The following ELL variants were observed in gnomAD, a reference collection of about 807,000 sequenced individuals.
ELL encodes RNA polymerase II elongation factor ELL.
A neutral mutation model predicts 64.0 loss-of-function variants in ELL; 18 were observed. The ratio of observed to expected loss-of-function variants is 0.28; its 90% confidence interval spans 0.19 to 0.42. The LOEUF is 0.42. Ranked by LOEUF, ELL falls within the 10% of genes least tolerant of loss-of-function variation. The probability of loss-of-function intolerance (pLI) is 1.00; values close to 1 mark genes in which losing one functional copy is unlikely to be tolerated. For synonymous variants in ELL, 399 were observed against 376.2 expected, an observed-to-expected ratio of 1.06 and a Z score of -0.70; for missense variants, 797 against 870.4, an observed-to-expected ratio of 0.92 and a Z score of 1.06.
At chr19:18,461,443 G>A in intron 5 of ELL, 135 bp downstream of exon 5, 1 of 1,394,134 alleles carries the variant, frequency 7.2e-7, no homozygotes, top group Non-Finnish European at 9.6e-7. Context: ...GGCAGGTTCT[G>A]AACCTGTGAG....
At position 18,465,497 on chromosome 19, in the gene ELL, C is replaced by G; in HGVS notation, c.384G>C (p.Gln128His). 2 of 1,613,220 alleles carry G rather than the reference C, an allele frequency of 1.2e-6. No homozygotes were observed. The highest frequency in any genetic ancestry group is 1.7e-6 in the Non-Finnish European group (2 of 1,179,350). The part of the protein sequence containing the change: ...ITVCATDDSY[Q>H]KARQSMAQAE... ...CCTGGGCCATGCTCTGCCGCGCCTT[C>G]TGGTAGGAGTCGTCGGTGGCACACA... Residue 128 changes from glutamine (Q) to histidine (H), a missense_variant, in exon 4 of 12, where the codon CAG (glutamine) becomes CAC (histidine). Transcript: ENST00000262809.
intron 1 of ELL, among the ~76,000 whole-genome samples, chr19:18,497,374 A>G (rs1975677242): frequency 6.6e-6 from 1 of 152,196 alleles, no homozygotes; most frequent in African/African-American, 2.4e-5. Flanking sequence ...GAGGGGAGGA[A>G]GGGGATGAGT....
chr19:18,477,990 A>T (rs8111582), intron 1 of ELL, among the ~76,000 whole-genome samples: 41,767 of 152,030 alleles, frequency 0.27, 6,610 homozygotes, highest in African/African-American at 0.44. Context: ...AAACACAGAA[A>T]GCAGCTGGGG....
At chr19:18,460,019 T>C (rs1300201046) in intron 5 of ELL, among the ~76,000 whole-genome samples, 1 of 152,184 alleles carries the variant, frequency 6.6e-6, no homozygotes, top group Non-Finnish European at 1.5e-5. Context: ...CTTTGCTAAA[T>C]ATTACTCAGC....
At chr19:18,485,148 T>A (rs1975382779) in intron 1 of ELL, among the ~76,000 whole-genome samples, 1 of 152,158 alleles carries the variant, frequency 6.6e-6, no homozygotes, top group Admixed American at 6.5e-5. Context: ...CCACTGTGCT[T>A]CCTGCTCAGG....
intron 1 of ELL, among the ~76,000 whole-genome samples, chr19:18,500,391 T>C (rs1380764165): frequency 6.6e-6 from 1 of 152,204 alleles, no homozygotes; most frequent in Admixed American, 6.5e-5. Flanking sequence ...CACTGGGCTG[T>C]ACCAAGTGCC....
At chr19:18,486,564 G>A (rs1299702676) in intron 1 of ELL, among the ~76,000 whole-genome samples, 1 of 152,210 alleles carries the variant, frequency 6.6e-6, no homozygotes. Context: ...GCGGTTCTGA[G>A]AAGGGAGCCT....
intron 1 of ELL, among the ~76,000 whole-genome samples, chr19:18,505,727 G>T (rs372708034): frequency 6.6e-6 from 1 of 152,122 alleles, no homozygotes; most frequent in Non-Finnish European, 1.5e-5. Flanking sequence ...CACGGGATGC[G>T]GCTTGTGTTC....
intron 1 of ELL, among the ~76,000 whole-genome samples, chr19:18,474,799 T>C (rs753940912): frequency 8.5e-5 from 13 of 152,288 alleles, no homozygotes; most frequent in Non-Finnish European, 1.6e-4. Context: ...GCTGGGACCT[T>C]GGGGAAGCAG....
rs111754388 is a variant in ELL at position 18,456,097 on chromosome 19, C to CA, written c.869+2107dup. Among the ~76,000 whole-genome samples the CA allele has an allele frequency of 7.1e-3, 698 of 98,718 alleles. 1 individual carries two copies. Among genetic ancestry groups the CA allele is most frequent in the African/African-American group, 0.014 (365 of 26,392 alleles). 64.8% of individuals were successfully genotyped at this position (98,718 alleles called of 152,430 possible). On this transcript the variant is annotated intron_variant, in intron 6 of 11. Coordinates refer to ENST00000262809, the MANE Select transcript of ELL (RefSeq NM_006532.4). ...GGGCAACAAGAGCAAAACTCCATCA[C>CA]AAAAAAAAAAAAAAGAGATGAAAAC...
intron 1 of ELL, among the ~76,000 whole-genome samples, chr19:18,506,151 G>A (rs1884147567): frequency 6.6e-6 from 1 of 152,200 alleles, no homozygotes; most frequent in Non-Finnish European, 1.5e-5. Flanking sequence ...CTGGCACTCA[G>A]GCCATGCCAC....
At chr19:18,514,058 C>G (rs1315025349) in intron 1 of ELL, among the ~76,000 whole-genome samples, 1 of 152,148 alleles carries the variant, frequency 6.6e-6, no homozygotes, top group East Asian at 1.9e-4. Context: ...AGCCGTGTCT[C>G]CACTTGGTCA....
chr19:18,460,038 C>A (rs922796508), intron 5 of ELL, among the ~76,000 whole-genome samples: 2 of 152,214 alleles, frequency 1.3e-5, no homozygotes, highest in Non-Finnish European at 2.9e-5. Flanking sequence ...GCCGTCAACA[C>A]CCCTCCCCTT....
chr19:18,445,674 C>T (rs942911058), intron 10 of ELL, among the ~76,000 whole-genome samples: 1 of 152,138 alleles, frequency 6.6e-6, no homozygotes, highest in African/African-American at 2.4e-5. Context: ...GGGGCCTTGG[C>T]CAGGAGAGAC....
intron 2 of ELL, among the ~76,000 whole-genome samples, chr19:18,469,006 G>T (rs1009832889): frequency 6.6e-6 from 1 of 152,196 alleles, no homozygotes; most frequent in African/African-American, 2.4e-5. Context: ...CCACACAGGT[G>T]TAGACATCTG....
At chr19:18,458,904 GCCA>G (rs879426275) in intron 5 of ELL, among the ~76,000 whole-genome samples, 3 of 151,850 alleles carry the variant, frequency 2.0e-5, no homozygotes, top group Non-Finnish European at 4.4e-5. Context: ...TGGGATTCCA[GCCA>G]CCACACCTGG....
Position 18,461,568 on chromosome 19 carries a change from C to A in ELL, c.744+10G>T. 6.3e-7 allele frequency: 1 copy of A among 1,589,122 alleles called. No homozygotes were observed. On this transcript the variant is annotated intron_variant, in intron 5 of 11. Transcript: ENST00000262809. Reference sequence around the variant, plus strand: ...CACTGGTAAAGACAAGACATCGGGGCGGCACCCACCTGCTGGAGGAGGCCA... The same window carrying A: ...CACTGGTAAAGACAAGACATCGGGGAGGCACCCACCTGCTGGAGGAGGCCA...
intron 1 of ELL, among the ~76,000 whole-genome samples, chr19:18,503,887 C>T (rs1389163679): frequency 1.3e-5 from 2 of 152,160 alleles, no homozygotes; most frequent in Non-Finnish European, 1.5e-5. Flanking sequence ...TGGAGTCACA[C>T]GTGGGGGCCT....
chr19:18,451,524 A>T, intron 7 of ELL, 28 bp downstream of exon 7: 1 of 1,457,564 alleles, frequency 6.9e-7, no homozygotes, highest in Non-Finnish European at 9.0e-7. Context: ...GGTGCTTGGG[A>T]CAGTCACCCC....
Sources: gnomAD v4.1 joint callset for allele counts (sites outside exome capture counted in the v4.1 genomes callset) on GRCh38, gnomAD v4.1.1 for gene constraint, MANE v1.5 for transcripts, NCBI Gene and HGNC (gene_info 2026-07-23, HGNC 2026-07-21) for gene names.